Variants in AHCTF1 observed in about 807,000 individuals in gnomAD.
AHCTF1 encodes the protein protein ELYS.
Under a neutral mutation model 248.4 loss-of-function variants are expected in AHCTF1, and 24 were observed. That is an observed-to-expected ratio of 0.10 (90% CI 0.07 to 0.14). AHCTF1 has a LOEUF of 0.14. Ranked by LOEUF, AHCTF1 falls within the 10% of genes least tolerant of loss-of-function variation. AHCTF1 has a pLI of 1.00. For synonymous variants in AHCTF1, 786 were observed against 929.8 expected, an observed-to-expected ratio of 0.85 and a Z score of 2.81; for missense variants, 2,206 against 2,636.2, an observed-to-expected ratio of 0.84 and a Z score of 3.57.
At chr1:246,878,722 TG>T (rs1307391450) in intron 21 of AHCTF1, among the ~76,000 whole-genome samples, 1 of 152,158 alleles carries the variant, frequency 6.6e-6, no homozygotes, top group Non-Finnish European at 1.5e-5. Flanking sequence ...CAAAGTTACT[TG>T]GGGAAGCAAA....
chr1:246,918,043 T>C (rs1428877731), intron 2 of AHCTF1, among the ~76,000 whole-genome samples: 1 of 152,112 alleles, frequency 6.6e-6, no homozygotes, highest in African/African-American at 2.4e-5. Flanking sequence ...TAAGGAAAAA[T>C]TAACTATAAC....
At chr1:246,842,255 T>C (rs1659924858) in intron 35 of AHCTF1, among the ~76,000 whole-genome samples, 1 of 152,128 alleles carries the variant, frequency 6.6e-6, no homozygotes, top group Non-Finnish European at 1.5e-5. Context: ...AAGGGTCTTC[T>C]CAAATCTAAT....
intron 26 of AHCTF1, among the ~76,000 whole-genome samples, chr1:246,865,104 A>G: frequency 6.6e-6 from 1 of 152,204 alleles, no homozygotes; most frequent in East Asian, 1.9e-4. Flanking sequence ...TTTAAACTCA[A>G]AAGTCGGGTT....
intron 1 of AHCTF1, among the ~76,000 whole-genome samples, chr1:246,923,930 A>C (rs768197): frequency 0.61 from 92,353 of 152,078 alleles, 30,276 homozygotes; most frequent in African/African-American, 0.87. Context: ...AGGACCTGAG[A>C]AGAGGGCCAT....
intron 34 of AHCTF1, among the ~76,000 whole-genome samples, chr1:246,843,280 A>G (rs1435214861): frequency 2.0e-5 from 3 of 152,294 alleles, no homozygotes; most frequent in African/African-American, 7.2e-5. Flanking sequence ...ATTTGAAGTA[A>G]TTGTTTTCAT....
intron 1 of AHCTF1, chr1:246,931,206 A>C (rs536037532): frequency 2.1e-5 from 32 of 1,550,136 alleles, no homozygotes; most frequent in Non-Finnish European, 2.8e-5. Flanking sequence ...CCCTCGGGGA[A>C]AGGCCCGCCA....
In AHCTF1 at chr1:246,913,524, G is replaced by C. The variant is rs977372390; in HGVS notation, c.376-112C>G. On this transcript the variant is annotated intron_variant, in intron 3 of 35. Coordinates refer to ENST00000648844, the MANE Select transcript of AHCTF1 (RefSeq NM_001323342.2). ...CAGTTATAATAGATTTAAGACTATAGAGTAAATTTGCATTTGATACTTGTG... is the reference window on the plus strand; with the variant it reads ...CAGTTATAATAGATTTAAGACTATACAGTAAATTTGCATTTGATACTTGTG... The C allele has an allele frequency of 1.1e-5, 11 of 1,001,700 alleles. No individual in the cohort carries two copies. In the African/African-American group the frequency reaches 1.8e-4, roughly 17 times the overall value. 62.1% of individuals were successfully genotyped at this position (1,001,700 alleles called of 1,614,324 possible).
chr1:246,923,882 C>T (rs544545407), intron 1 of AHCTF1, among the ~76,000 whole-genome samples: 1 of 152,312 alleles, frequency 6.6e-6, no homozygotes, highest in Non-Finnish European at 1.5e-5. Flanking sequence ...CCCAGGAAAA[C>T]TCCAGGTCTG....
intron 13 of AHCTF1, among the ~76,000 whole-genome samples, chr1:246,895,136 A>T (rs1323948634): frequency 6.6e-6 from 1 of 152,218 alleles, no homozygotes; most frequent in Admixed American, 6.5e-5. Context: ...CTTTTCCAAA[A>T]AACAAAATAC....
intron 1 of AHCTF1, among the ~76,000 whole-genome samples, chr1:246,924,127 G>A (rs1039525049): frequency 6.6e-6 from 1 of 152,168 alleles, no homozygotes. Context: ...TCTCACAGAA[G>A]AGAATCAATA....
At chr1:246,911,466 A>G (rs1028090354) in intron 4 of AHCTF1, among the ~76,000 whole-genome samples, 59 of 147,038 alleles carry the variant, frequency 4.0e-4, no homozygotes, top group African/African-American at 1.3e-3. Context: ...TATAGTGTCT[A>G]TCTATGAAGA....
At chr1:246,901,795 ACTGGCCTGGG>A (rs1665019822) in intron 8 of AHCTF1, among the ~76,000 whole-genome samples, 1 of 152,062 alleles carries the variant, frequency 6.6e-6, no homozygotes, top group Non-Finnish European at 1.5e-5. Flanking sequence ...TCTGGCCTGG[ACTGGCCTGGG>A]CATCAGAGTG....
intron 24 of AHCTF1, among the ~76,000 whole-genome samples, chr1:246,868,966 T>TGCTGA (rs1662290014): frequency 6.6e-6 from 1 of 150,620 alleles, no homozygotes; most frequent in African/African-American, 2.5e-5. Flanking sequence ...TGCCTCAGCC[T>TGCTGA]GCTGAGTAGC....
In AHCTF1 at chr1:246,931,625, C is replaced by T; in HGVS notation, c.-55G>A. ...CCGCCGCGGGCCGAGTCCACCGGGT[C>T]GCCAGGCCAGGCGCGAGCTCCTCCC... On this transcript the variant is annotated 5_prime_UTR_variant, in exon 1 of 36. Coordinates refer to ENST00000648844, the MANE Select transcript of AHCTF1 (RefSeq NM_001323342.2). 1 of 156,554 alleles carries T rather than the reference C, an allele frequency of 6.4e-6. No individual in the cohort carries two copies. The highest frequency in any genetic ancestry group is 1.4e-5 in the Non-Finnish European group (1 of 71,718). 9.7% of individuals were successfully genotyped at this position (156,554 alleles called of 1,614,324 possible).
chr1:246,891,264 C>T (rs1355932637), intron 15 of AHCTF1, among the ~76,000 whole-genome samples: 1 of 152,028 alleles, frequency 6.6e-6, no homozygotes, highest in Non-Finnish European at 1.5e-5. Context: ...TCAAGCAAAC[C>T]TCCAAAATGC....
intron 24 of AHCTF1, among the ~76,000 whole-genome samples, chr1:246,873,158 T>C (rs1013634140): frequency 6.6e-6 from 1 of 152,188 alleles, no homozygotes; most frequent in African/African-American, 2.4e-5. Context: ...ATATTACATG[T>C]TAAGTAAATG....
In AHCTF1 at chr1:246,898,304, T is replaced by C. The variant is rs1053003848; in HGVS notation, c.1527A>G (p.Ser509=). 3 of 1,613,162 alleles carry C rather than the reference T, an allele frequency of 1.9e-6. No individual in the cohort carries two copies. The highest frequency in any genetic ancestry group is 2.7e-5 in the African/African-American group (2 of 74,872). The change falls in exon 12 of 36, where the codon TCA becomes TCG. Residue 509 remains serine (S), a synonymous_variant. Transcript: ENST00000648844. ...TLTFLKKSGP[S]LNELIPDGYN... Reference sequence around the variant, plus strand: ...AACCATCAGGAATGAGTTCATTGAGTGATGGACCTGATTTCTTTAAAAAAG... The same window carrying C: ...AACCATCAGGAATGAGTTCATTGAGCGATGGACCTGATTTCTTTAAAAAAG...
chr1:246,931,478 C>CCTG (rs1667356807), intron 1 of AHCTF1, 100 bp downstream of exon 1: 16 of 533,320 alleles, frequency 3.0e-5, no homozygotes, highest in Non-Finnish European at 3.9e-5. Flanking sequence ...GGGCAGAAGC[C>CCTG]CCGCCGCCGC....
chr1:246,858,657 G>A (rs1212609979), intron 29 of AHCTF1, among the ~76,000 whole-genome samples: 2 of 151,710 alleles, frequency 1.3e-5, no homozygotes, highest in African/African-American at 4.9e-5. Context: ...GTGAAACCCC[G>A]CCTCTAATAA....
Sources: gnomAD v4.1 joint callset for allele counts (sites outside exome capture counted in the v4.1 genomes callset) on GRCh38, gnomAD v4.1.1 for gene constraint, MANE v1.5 for transcripts, NCBI Gene and HGNC (gene_info 2026-07-23, HGNC 2026-07-21) for gene names.